The following PDGFD variants were observed in gnomAD, a reference collection of about 807,000 sequenced individuals.
PDGFD encodes the protein platelet derived growth factor D.
In PDGFD, 30 loss-of-function variants were observed where a neutral mutation model predicts 44.7. That is an observed-to-expected ratio of 0.67 (90% CI 0.50 to 0.91). The LOEUF (loss-of-function observed/expected upper bound fraction) is 0.91, where lower values mean the gene tolerates loss of function less well. Ranked by LOEUF, PDGFD falls within the 40% of genes least tolerant of loss-of-function variation. PDGFD has a pLI of 0.00. For synonymous variants in PDGFD, 173 were observed against 168.4 expected (o/e 1.03, Z -0.21); for missense variants, 445 against 457.8 (o/e 0.97, Z 0.25).
chr11:104,004,056 A>C (rs1234766151), intron 1 of PDGFD, among the ~76,000 whole-genome samples: 1 of 152,226 alleles, frequency 6.6e-6, no homozygotes, highest in Non-Finnish European at 1.5e-5. Context: ...ATATCCTTTC[A>C]AAGTACACTT....
chr11:103,931,438 T>C (rs1184502621), intron 5 of PDGFD, among the ~76,000 whole-genome samples: 3 of 152,218 alleles, frequency 2.0e-5, no homozygotes, highest in African/African-American at 7.2e-5. Flanking sequence ...CATTAAGTTA[T>C]CAGTTGGCTT....
At chr11:104,101,150 G>A (rs1168532304) in intron 1 of PDGFD, among the ~76,000 whole-genome samples, 2 of 152,096 alleles carry the variant, frequency 1.3e-5, no homozygotes, top group Non-Finnish European at 2.9e-5. Flanking sequence ...TAGGAAAAGA[G>A]GAAGTCAAAT....
chr11:104,132,972 G>C (rs186621951), intron 1 of PDGFD, among the ~76,000 whole-genome samples: 24 of 152,158 alleles, frequency 1.6e-4, no homozygotes, highest in African/African-American at 5.1e-4. Flanking sequence ...TGTGTTTCTT[G>C]CTTACATAAA....
chr11:104,122,548 C>CA (rs1487072299), intron 1 of PDGFD, among the ~76,000 whole-genome samples: 1 of 151,984 alleles, frequency 6.6e-6, no homozygotes, highest in African/African-American at 2.4e-5. Flanking sequence ...CTCTCTCCAG[C>CA]AGAGAGCTAT....
chr11:104,122,490 C>A (rs1381860534), intron 1 of PDGFD, among the ~76,000 whole-genome samples: 1 of 151,946 alleles, frequency 6.6e-6, no homozygotes, highest in Non-Finnish European at 1.5e-5. Context: ...CATCTATAAA[C>A]CCCCTTGCAT....
intron 3 of PDGFD, among the ~76,000 whole-genome samples, chr11:103,948,298 A>G (rs1400081737): frequency 1.3e-5 from 2 of 152,190 alleles, no homozygotes; most frequent in Admixed American, 6.5e-5. Flanking sequence ...ATAAGGAAGG[A>G]TGGCAGGGGA....
At chr11:104,132,404 T>C (rs1861937946) in intron 1 of PDGFD, among the ~76,000 whole-genome samples, 1 of 152,228 alleles carries the variant, frequency 6.6e-6, no homozygotes, top group African/African-American at 2.4e-5. Context: ...ACAAGATAAT[T>C]ACCTACTTCT....
chr11:104,026,120 C>T (rs560632356), intron 1 of PDGFD, among the ~76,000 whole-genome samples: 1 of 152,304 alleles, frequency 6.6e-6, no homozygotes, highest in Non-Finnish European at 1.5e-5. Flanking sequence ...TGACCTCCAC[C>T]TGATGAATAC....
At chr11:104,116,763 T>C (rs1861645983) in intron 1 of PDGFD, among the ~76,000 whole-genome samples, 1 of 151,972 alleles carries the variant, frequency 6.6e-6, no homozygotes, top group African/African-American at 2.4e-5. Flanking sequence ...GGGGAGGTAA[T>C]TGAATCATAG....
chr11:103,929,688 T>A (rs1032080632), intron 5 of PDGFD, among the ~76,000 whole-genome samples: 2 of 152,226 alleles, frequency 1.3e-5, no homozygotes, highest in African/African-American at 4.8e-5. Context: ...ACCGAGGCAC[T>A]CAATTTAGAA....
chr11:104,037,345 AG>A, intron 1 of PDGFD: 1 of 1,614,106 alleles, frequency 6.2e-7, no homozygotes, highest in Non-Finnish European at 8.5e-7. Flanking sequence ...GCTCAGCGGA[AG>A]CCTTGAGACC....
chr11:104,071,827 C>T (rs1171564333), intron 1 of PDGFD, among the ~76,000 whole-genome samples: 1 of 151,486 alleles, frequency 6.6e-6, no homozygotes, highest in East Asian at 1.9e-4. Flanking sequence ...GTGGTTTCAA[C>T]TTCATTTATT....
At chr11:104,147,932 T>C (rs886241763) in intron 1 of PDGFD, among the ~76,000 whole-genome samples, 3 of 152,190 alleles carry the variant, frequency 2.0e-5, no homozygotes, top group African/African-American at 7.2e-5. Context: ...ATGAGAATAT[T>C]ATCATTGCCT....
At chr11:104,012,962 G>A (rs973135017) in intron 1 of PDGFD, among the ~76,000 whole-genome samples, 1 of 152,192 alleles carries the variant, frequency 6.6e-6, no homozygotes, top group Non-Finnish European at 1.5e-5. Context: ...GGCCCTAAAT[G>A]AGAACTTCAC....
At chr11:103,987,346 C>T (rs1859382512) in intron 3 of PDGFD, among the ~76,000 whole-genome samples, 1 of 152,150 alleles carries the variant, frequency 6.6e-6, no homozygotes, top group African/African-American at 2.4e-5. Flanking sequence ...CGGGAAAGGT[C>T]TAGGCTCTCC....
intron 6 of PDGFD, among the ~76,000 whole-genome samples, chr11:103,917,388 T>A (rs1858143645): frequency 6.6e-6 from 1 of 152,206 alleles, no homozygotes; most frequent in South Asian, 2.1e-4. Flanking sequence ...TATTAGCTAT[T>A]ACATAGACAT....
At chr11:104,049,823 G>C (rs1860500995) in intron 1 of PDGFD, among the ~76,000 whole-genome samples, 1 of 152,148 alleles carries the variant, frequency 6.6e-6, no homozygotes, top group Non-Finnish European at 1.5e-5. Context: ...CAAGGAGGAG[G>C]TTGTTGGTAA....
rs1269553429 is a variant in PDGFD at position 103,925,683 on chromosome 11, A to G, written c.987+1229T>C. ...TCTCTATGTGTGTGTGTCTGTGTAT[A>G]TATATATATATATATACACAGACAC... On this transcript the variant is annotated intron_variant, in intron 6 of 6. Coordinates refer to ENST00000393158, the MANE Select transcript of PDGFD (RefSeq NM_025208.5). 1.3e-3 allele frequency among the ~76,000 whole-genome samples: 114 copies of G among 88,570 alleles called. 2 individuals are homozygous for G. Among genetic ancestry groups the G allele is most frequent in the Admixed American group, 7.5e-3 (48 of 6,368 alleles). The allele number at this position is 88,570 out of a possible 152,430, so 58.1% of individuals were successfully genotyped here.
At position 103,996,158 on chromosome 11, in the gene PDGFD, C is replaced by G; in HGVS notation, c.417G>C (p.Arg139Ser). The change falls in exon 3 of 7, where the codon AGG (arginine) becomes AGC (serine). Residue 139 changes from arginine (R) to serine (S), a missense_variant. By Grantham distance (110) the Arg-to-Ser change is moderately radical. Transcript: ENST00000393158. The stretch of plus-strand genomic sequence containing the variant: ...TAATTTGGTTCGTTCTTGATTTTAT[C>G]CTTGGAGGAACTTCCTTGTGTCCAC... Reference protein sequence around the residue: ...RWCGHKEVPPRIKSRTNQIKI... With the variant: ...RWCGHKEVPPSIKSRTNQIKI... 6.2e-7 allele frequency: 1 copy of G among 1,613,656 alleles called. No individual in the cohort carries two copies. Among genetic ancestry groups the G allele is most frequent in the Non-Finnish European group, 8.5e-7 (1 of 1,179,726 alleles).
Sources: allele counts gnomAD v4.1 joint callset (sites outside exome capture counted in the v4.1 genomes callset), GRCh38; gene constraint gnomAD v4.1.1; transcripts MANE v1.5; gene names NCBI Gene and HGNC (gene_info 2026-07-23, HGNC 2026-07-21).